The following IL1RAPL2 variants were observed in gnomAD, a reference collection of about 807,000 sequenced individuals.
The protein encoded by IL1RAPL2 is X-linked interleukin-1 receptor accessory protein-like 2.
A neutral mutation model predicts 44.1 loss-of-function variants in IL1RAPL2; 3 were observed. The ratio of observed to expected loss-of-function variants is 0.07; its 90% CI spans 0.03 to 0.18. The LOEUF (loss-of-function observed/expected upper bound fraction) is 0.18, where lower values mean the gene tolerates loss of function less well. IL1RAPL2 is among the 10% of genes least tolerant of loss of function. IL1RAPL2 has a pLI of 1.00. For missense variants in IL1RAPL2, 391 were observed against 496.4 expected (o/e 0.79, Z 2.02); for synonymous variants, 181 against 178.8 (o/e 1.01, Z -0.10).
chrX:104,876,650 T>TC (rs1273860736), intron 2 of IL1RAPL2, among the ~76,000 whole-genome samples: 1 of 83,372 alleles, frequency 1.2e-5, no homozygotes, highest in Non-Finnish European at 2.3e-5. Flanking sequence ...TATATAGCTT[T>TC]CTTTTTTTTT....
chrX:104,953,282 GTACTCT>G (rs1056595818), intron 2 of IL1RAPL2, among the ~76,000 whole-genome samples: 9 of 111,762 alleles, frequency 8.1e-5, no homozygotes, highest in African/African-American at 2.9e-4. Context: ...AGTGTGCTGA[GTACTCT>G]TATAGAAGAA....
chrX:104,758,264 C>G (rs1408554984), intron 2 of IL1RAPL2, among the ~76,000 whole-genome samples: 1 of 111,952 alleles, frequency 8.9e-6, no homozygotes, highest in Non-Finnish European at 1.9e-5. Context: ...GCTAGTTCAG[C>G]AAGCTACTCT....
intron 2 of IL1RAPL2, among the ~76,000 whole-genome samples, chrX:104,977,507 C>T (rs776908347): frequency 1.4e-4 from 16 of 111,880 alleles, no homozygotes; most frequent in Non-Finnish European, 2.1e-4. Flanking sequence ...CACTGATTGC[C>T]GTCATCGCCA....
chrX:105,135,249 G>C (rs966846364), intron 2 of IL1RAPL2, among the ~76,000 whole-genome samples: 3 of 111,246 alleles, frequency 2.7e-5, no homozygotes, highest in African/African-American at 9.8e-5. Context: ...AACTATTGTA[G>C]TGGGTGACTG....
intron 2 of IL1RAPL2, among the ~76,000 whole-genome samples, chrX:104,809,715 A>G (rs1300939901): frequency 9.0e-6 from 1 of 110,746 alleles, no homozygotes; most frequent in Non-Finnish European, 1.9e-5. Flanking sequence ...TTTGCTGTGC[A>G]GAAGCTCTTT....
chrX:104,624,199 T>C (rs1287936432), intron 1 of IL1RAPL2, among the ~76,000 whole-genome samples: 1 of 112,110 alleles, frequency 8.9e-6, no homozygotes, highest in Non-Finnish European at 1.9e-5. Context: ...CACCTGGGTT[T>C]TGGTGCTTTC....
intron 2 of IL1RAPL2, among the ~76,000 whole-genome samples, chrX:104,748,323 C>A (rs777391874): frequency 9.0e-6 from 1 of 111,570 alleles, no homozygotes; most frequent in Admixed American, 9.5e-5. Context: ...TGGATTTAAT[C>A]CTGTTCCAAA....
chrX:105,230,583 T>C (rs182890331), intron 3 of IL1RAPL2, among the ~76,000 whole-genome samples: 214 of 100,433 alleles, frequency 2.1e-3, no homozygotes, highest in Middle Eastern at 5.2e-3. Flanking sequence ...AGAGATACAA[T>C]TGTTTGAATA....
At chrX:104,714,507 G>A (rs989982167) in intron 2 of IL1RAPL2, among the ~76,000 whole-genome samples, 2 of 110,881 alleles carry the variant, frequency 1.8e-5, no homozygotes, top group African/African-American at 3.3e-5. Flanking sequence ...CTGCCACCCT[G>A]TTAAGTGGTG....
chrX:104,953,374 A>G (rs1025309770), intron 2 of IL1RAPL2, among the ~76,000 whole-genome samples: 2 of 112,295 alleles, frequency 1.8e-5, no homozygotes, highest in Admixed American at 9.4e-5. Context: ...TGGATTCTCT[A>G]TAAACATATA....
intron 2 of IL1RAPL2, among the ~76,000 whole-genome samples, chrX:105,180,811 G>A (rs1245461966): frequency 8.9e-6 from 1 of 111,756 alleles, no homozygotes; most frequent in Non-Finnish European, 1.9e-5. Flanking sequence ...TTGTGTCCTT[G>A]TCTGGTTTTG....
chrX:104,571,812 T>A (rs1243073854), intron 1 of IL1RAPL2, among the ~76,000 whole-genome samples: 2 of 112,021 alleles, frequency 1.8e-5, no homozygotes, highest in Admixed American at 9.5e-5. Flanking sequence ...AACATCAGAT[T>A]TGGGACATTT....
At chrX:104,695,815 T>C (rs753112483) in intron 2 of IL1RAPL2, among the ~76,000 whole-genome samples, 2 of 111,007 alleles carry the variant, frequency 1.8e-5, no homozygotes, top group South Asian at 7.8e-4. Context: ...GTTTTCGTTT[T>C]GTTTCGTTTT....
chrX:105,071,969 T>C (rs1248376733), intron 2 of IL1RAPL2, among the ~76,000 whole-genome samples: 1 of 111,980 alleles, frequency 8.9e-6, no homozygotes. Context: ...AAGATTGTTT[T>C]GGAGATGACT....
At chrX:104,686,960 T>C (rs1569297230) in intron 2 of IL1RAPL2, among the ~76,000 whole-genome samples, 1 of 112,531 alleles carries the variant, frequency 8.9e-6, no homozygotes, top group Non-Finnish European at 1.9e-5. Context: ...GCTGAGCACT[T>C]GACATGTAAG....
intron 2 of IL1RAPL2, among the ~76,000 whole-genome samples, chrX:104,779,080 T>C (rs1232458904): frequency 8.9e-6 from 1 of 112,166 alleles, no homozygotes; most frequent in Non-Finnish European, 1.9e-5. Flanking sequence ...TCTTCTCCCT[T>C]TTTAAAGGAT....
At chrX:105,042,792 G>A (rs1422402559) in intron 2 of IL1RAPL2, among the ~76,000 whole-genome samples, 4 of 107,659 alleles carry the variant, frequency 3.7e-5, no homozygotes, top group Admixed American at 1.0e-4. Flanking sequence ...TGTTTATTGC[G>A]GCACTATTCA....
At position 105,085,124 on chromosome X, in the gene IL1RAPL2, C is replaced by A. The variant is rs181582174; in HGVS notation, c.83-110351C>A. Among the ~76,000 whole-genome samples, 19 of 112,056 alleles carry A rather than the reference C, an allele frequency of 1.7e-4. No homozygotes were observed. In the South Asian group the frequency reaches 5.9e-3, roughly 35 times the overall value. On this transcript the variant is annotated intron_variant, in intron 2 of 10. Transcript: ENST00000372582. ...TTCCTTTATAAATTACAGGCTTGGG[C>A]AGTATCTTTATAGCTGTGTGAGAAT...
intron 2 of IL1RAPL2, among the ~76,000 whole-genome samples, chrX:105,081,075 G>C (rs978756332): frequency 5.4e-5 from 6 of 111,560 alleles, no homozygotes; most frequent in African/African-American, 2.0e-4. Flanking sequence ...TTTGTATCCT[G>C]GGACTTTGCT....
Sources: gnomAD v4.1 joint callset for allele counts (sites outside exome capture counted in the v4.1 genomes callset) on GRCh38, gnomAD v4.1.1 for gene constraint, MANE v1.5 for transcripts, NCBI Gene and HGNC (gene_info 2026-07-23, HGNC 2026-07-21) for gene names.